Variants in GRIP1 observed in about 807,000 individuals in gnomAD.
The protein encoded by GRIP1 is glutamate receptor interacting protein 1.
A neutral mutation model predicts 129.9 loss-of-function variants in GRIP1; 45 were observed. The observed-to-expected ratio is 0.35, with a 90% CI of 0.27 to 0.44. GRIP1 has a LOEUF of 0.44. Among genes scored for constraint, GRIP1 ranks in the 20% least tolerant of loss-of-function variants. GRIP1 has a pLI of 1.00. For synonymous variants in GRIP1, 530 were observed against 520.8 expected (o/e 1.02, Z -0.24); for missense variants, 1,196 against 1,396.8 (o/e 0.86, Z 2.29).
intron 7 of GRIP1, 145 bp downstream of exon 7, chr12:66,515,474 C>T: frequency 1.2e-6 from 1 of 821,760 alleles, no homozygotes; most frequent in South Asian, 1.4e-5. Flanking sequence ...TTCCTGAACT[C>T]AAACAGAGTA....
At chr12:66,881,773 T>A (rs1272401373) in intron 1 of GRIP1, among the ~76,000 whole-genome samples, 1 of 152,140 alleles carries the variant, frequency 6.6e-6, no homozygotes, top group African/African-American at 2.4e-5. Context: ...TATGTGGCTG[T>A]GGGCTGTTGG....
At chr12:66,982,595 T>C (rs2042254676) in intron 1 of GRIP1, among the ~76,000 whole-genome samples, 1 of 152,174 alleles carries the variant, frequency 6.6e-6, no homozygotes, top group African/African-American at 2.4e-5. Flanking sequence ...TGGGGAACTT[T>C]ACCCAACAGC....
At chr12:66,927,127 C>A (rs1383592546) in intron 1 of GRIP1, among the ~76,000 whole-genome samples, 1 of 152,176 alleles carries the variant, frequency 6.6e-6, no homozygotes, top group Non-Finnish European at 1.5e-5. Flanking sequence ...CTTGTCTATA[C>A]CCTCCAGGTG....
At chr12:66,856,917 T>C (rs189354230) in intron 1 of GRIP1, among the ~76,000 whole-genome samples, 3 of 152,314 alleles carry the variant, frequency 2.0e-5, no homozygotes, top group African/African-American at 7.2e-5. Flanking sequence ...TAGAGACTCA[T>C]GCACACATAT....
At chr12:66,593,573 T>G (rs545012483) in intron 2 of GRIP1, among the ~76,000 whole-genome samples, 1 of 152,308 alleles carries the variant, frequency 6.6e-6, no homozygotes, top group South Asian at 2.1e-4. Context: ...TAGAATAAGT[T>G]TCAAAGAACA....
chr12:66,824,453 G>T (rs890981310), intron 1 of GRIP1, among the ~76,000 whole-genome samples: 8 of 152,100 alleles, frequency 5.3e-5, no homozygotes, highest in Non-Finnish European at 7.4e-5. Context: ...TTTTTGATGT[G>T]ACATAGCTCA....
chr12:67,003,715 T>TAAAAATAAATAA (rs1315769205), intron 1 of GRIP1, among the ~76,000 whole-genome samples: 12,367 of 151,020 alleles, frequency 0.082, 618 homozygotes, highest in Non-Finnish European at 0.1. Flanking sequence ...AATAAATAAA[T>TAAAAATAAATAA]AAAAATAAAT....
intron 1 of GRIP1, among the ~76,000 whole-genome samples, chr12:67,043,021 C>G (rs972113042): frequency 2.0e-5 from 3 of 152,168 alleles, no homozygotes; most frequent in Non-Finnish European, 4.4e-5. Flanking sequence ...CTGCCTGCAG[C>G]CCTGGCTCTA....
intron 2 of GRIP1, among the ~76,000 whole-genome samples, chr12:66,545,407 T>C (rs2061917556): frequency 6.6e-6 from 1 of 152,156 alleles, no homozygotes; most frequent in Non-Finnish European, 1.5e-5. Context: ...AAAACACAGA[T>C]GGTTATACAA....
chr12:66,652,263 C>T (rs1182138875), intron 1 of GRIP1, among the ~76,000 whole-genome samples: 1 of 152,016 alleles, frequency 6.6e-6, no homozygotes, highest in Non-Finnish European at 1.5e-5. Flanking sequence ...GGGGTGGTTT[C>T]CCCCATGCTA....
chr12:66,472,178 T>C (rs1213626122), intron 7 of GRIP1, among the ~76,000 whole-genome samples: 1 of 152,246 alleles, frequency 6.6e-6, no homozygotes. Flanking sequence ...CATAGTCCCA[T>C]GGAAGTGGAC....
intron 1 of GRIP1, among the ~76,000 whole-genome samples, chr12:66,678,535 T>C (rs1486995497): frequency 1.3e-5 from 2 of 151,988 alleles, no homozygotes; most frequent in African/African-American, 2.4e-5. Flanking sequence ...TTAATCAGCA[T>C]GCAAAATGAC....
chr12:66,393,462 G>A (rs989085167), intron 17 of GRIP1, among the ~76,000 whole-genome samples: 17 of 151,980 alleles, frequency 1.1e-4, no homozygotes, highest in South Asian at 8.3e-4. Context: ...GTGAGCCACC[G>A]CACCTGGCCT....
chr12:66,860,213 G>A (rs2040087355), intron 1 of GRIP1, among the ~76,000 whole-genome samples: 1 of 152,074 alleles, frequency 6.6e-6, no homozygotes, highest in Non-Finnish European at 1.5e-5. Flanking sequence ...TCTTGAAGAA[G>A]CTTGGGCTTT....
intron 1 of GRIP1, among the ~76,000 whole-genome samples, chr12:66,986,346 A>G (rs1369231650): frequency 6.6e-6 from 1 of 152,074 alleles, no homozygotes; most frequent in Non-Finnish European, 1.5e-5. Context: ...CTAAAGGACT[A>G]TAAATCATGC....
intron 1 of GRIP1, among the ~76,000 whole-genome samples, chr12:66,763,153 G>A (rs2037525537): frequency 6.6e-6 from 1 of 152,106 alleles, no homozygotes; most frequent in Non-Finnish European, 1.5e-5. Context: ...CTACTGCTAA[G>A]CTAATCCTTG....
At chr12:66,664,913 C>T (rs2033711737) in intron 1 of GRIP1, among the ~76,000 whole-genome samples, 1 of 152,024 alleles carries the variant, frequency 6.6e-6, no homozygotes, top group South Asian at 2.1e-4. Flanking sequence ...TCCCTCATTC[C>T]CCTTCCTCAA....
intron 15 of GRIP1, among the ~76,000 whole-genome samples, chr12:66,407,753 C>T (rs1020050173): frequency 2.6e-5 from 4 of 152,178 alleles, no homozygotes; most frequent in Non-Finnish European, 4.4e-5. Flanking sequence ...TAAATAAACT[C>T]AAGACAGTTT....
Position 66,465,325 on chromosome 12 carries a change from G to A in GRIP1, c.822C>T (p.Asn274=). The change falls in exon 8 of 25, where the codon AAC becomes AAT. Residue 274 remains asparagine (N), a synonymous_variant. Coordinates refer to ENST00000359742, the MANE Select transcript of GRIP1 (RefSeq NM_001366722.1). ...TTTTGTCTATGACAATGACTTGTTT[G>A]TTACAGCACATCGAGGTAGTTAGGG... ...GVALTTSMCC[N]KQVIVIDKIK... 1 of 1,613,834 alleles carries A rather than the reference G, an allele frequency of 6.2e-7. No individual in the cohort carries two copies. Among genetic ancestry groups the A allele is most frequent in the Non-Finnish European group, 8.5e-7 (1 of 1,179,710 alleles).
Sources: gnomAD v4.1 joint callset for allele counts (sites outside exome capture counted in the v4.1 genomes callset) on GRCh38, gnomAD v4.1.1 for gene constraint, MANE v1.5 for transcripts, NCBI Gene and HGNC (gene_info 2026-07-23, HGNC 2026-07-21) for gene names.